Variants in CTBP2 observed in about 807,000 individuals in gnomAD.
The protein encoded by CTBP2 is C-terminal binding protein 2.
A neutral mutation model predicts 80.3 loss-of-function variants in CTBP2; 30 were observed. That is an observed-to-expected ratio of 0.37 (90% CI 0.28 to 0.51). CTBP2 has a LOEUF of 0.51. Among genes scored for constraint, CTBP2 ranks in the 20% least tolerant of loss-of-function variants. The pLI, the probability that CTBP2 is intolerant of heterozygous loss-of-function variation, is 0.93. For missense variants in CTBP2, 1,212 were observed against 1,375.3 expected, an observed-to-expected ratio of 0.88 and a Z score of 1.88; for synonymous variants, 594 against 587.4, an observed-to-expected ratio of 1.01 and a Z score of -0.16.
intron 2 of CTBP2, among the ~76,000 whole-genome samples, chr10:125,081,426 G>A (rs1007294821): frequency 6.6e-6 from 1 of 152,136 alleles, no homozygotes; most frequent in Non-Finnish European, 1.5e-5. Context: ...GAAAGAATGG[G>A]CACTGTGTTT....
intron 3 of CTBP2, among the ~76,000 whole-genome samples, chr10:125,035,759 G>T (rs535799615): frequency 5.3e-5 from 8 of 152,298 alleles, no homozygotes; most frequent in African/African-American, 1.9e-4. Flanking sequence ...CTGGCATAAT[G>T]CGATAAAGTA....
intron 2 of CTBP2, among the ~76,000 whole-genome samples, chr10:125,069,359 C>A (rs895607235): frequency 6.6e-6 from 1 of 152,176 alleles, no homozygotes; most frequent in Non-Finnish European, 1.5e-5. Flanking sequence ...GGCTCACACC[C>A]GTTATCCCAG....
At chr10:125,157,962 CG>C (rs1477337295) in intron 1 of CTBP2, among the ~76,000 whole-genome samples, 1 of 151,928 alleles carries the variant, frequency 6.6e-6, no homozygotes, top group Non-Finnish European at 1.5e-5. Context: ...GAATATTTAG[CG>C]TTTCAACTCT....
In CTBP2 at chr10:124,993,343, G is replaced by GA. The variant is rs748096676; in HGVS notation, c.2532-15dup. The GA allele has an allele frequency of 4.6e-5, 74 of 1,604,320 alleles. No homozygotes were observed. The highest frequency in any genetic ancestry group is 1.7e-4 in the Middle Eastern group (1 of 6,044). ...CCCTGAGCAAAGCTAGAAAAATGTA[G>GA]AAAAAACAGAGTAAGCGGGAAATGT... On this transcript the variant is annotated splice_polypyrimidine_tract_variant and intron_variant, in intron 6 of 8. Coordinates refer to ENST00000309035, the MANE Select transcript of CTBP2 (RefSeq NM_022802.3).
In CTBP2 at chr10:125,027,175, G is replaced by A. The variant is rs3781407; in HGVS notation, c.585C>T (p.Asp195=). ...CAGGCACCTCCGCCCCATACCTGGT[G>A]TCGGGCTGCTCCCGTCCATACCGCC... Residue 195 remains aspartate (D), a synonymous_variant, in exon 1 of 9, where the codon GAC becomes GAT. Coordinates refer to ENST00000309035, the MANE Select transcript of CTBP2 (RefSeq NM_022802.3). The A allele has an allele frequency of 0.026, 41,458 of 1,605,962 alleles. 844 individuals are homozygous for A. Among genetic ancestry groups the A allele is most frequent in the Admixed American group, 0.088 (5,267 of 59,820 alleles).
chr10:125,156,613 G>C (rs1860966361), intron 1 of CTBP2, among the ~76,000 whole-genome samples: 1 of 152,080 alleles, frequency 6.6e-6, no homozygotes, highest in African/African-American at 2.4e-5. Context: ...TATTTTAACA[G>C]CAATGGTAAC....
intron 3 of CTBP2, among the ~76,000 whole-genome samples, chr10:125,036,063 T>C (rs1159144178): frequency 6.6e-6 from 1 of 152,262 alleles, no homozygotes. Flanking sequence ...CCAGCTCATT[T>C]GGCTGGAGTC....
intron 3 of CTBP2, among the ~76,000 whole-genome samples, chr10:125,033,085 A>G (rs1198989930): frequency 6.6e-6 from 1 of 152,142 alleles, no homozygotes; most frequent in Non-Finnish European, 1.5e-5. Flanking sequence ...AATCTGCGTC[A>G]CCCATCCCAG....
chr10:125,120,672 C>T (rs1403083033), intron 1 of CTBP2, among the ~76,000 whole-genome samples: 1 of 152,158 alleles, frequency 6.6e-6, no homozygotes, highest in African/African-American at 2.4e-5. Flanking sequence ...CAGTTGTGAG[C>T]CACCAGCCAA....
chr10:125,091,319 C>A (rs999752974), intron 2 of CTBP2, among the ~76,000 whole-genome samples: 2 of 152,176 alleles, frequency 1.3e-5, no homozygotes, highest in Non-Finnish European at 2.9e-5. Context: ...TGCACTTGTA[C>A]GTCCTGGTAA....
intron 2 of CTBP2, among the ~76,000 whole-genome samples, chr10:125,094,038 T>G (rs555513408): frequency 6.6e-6 from 1 of 152,132 alleles, no homozygotes; most frequent in Non-Finnish European, 1.5e-5. Flanking sequence ...AGAAACGCAA[T>G]ATAATGTGGT....
chr10:125,137,329 T>G (rs1268488260), intron 1 of CTBP2, among the ~76,000 whole-genome samples: 1 of 152,190 alleles, frequency 6.6e-6, no homozygotes, highest in Non-Finnish European at 1.5e-5. Flanking sequence ...CTCAGCCTTA[T>G]TTCCCAAGGG....
At chr10:125,159,327 C>A (rs1241561987) in intron 1 of CTBP2, among the ~76,000 whole-genome samples, 2 of 132,802 alleles carry the variant, frequency 1.5e-5, no homozygotes, top group Non-Finnish European at 3.3e-5. Context: ...GGGAGGCGGG[C>A]GGGCCGGGCT....
rs1237965073 is a variant in CTBP2, at chr10:125,026,333, G to C, written c.1427C>G (p.Pro476Arg). The C allele has an allele frequency of 6.2e-7, 1 of 1,613,794 alleles. No individual in the cohort carries two copies. The highest frequency in any genetic ancestry group is 1.1e-5 in the South Asian group (1 of 91,092). The change falls in exon 1 of 9, where the codon CCC becomes CGC. Residue 476 changes from proline to arginine, a missense_variant. Physicochemically the swap from Pro to Arg is moderately radical, Grantham distance 103. Transcript: ENST00000309035. ...GTATGCCGTGGAGTAGGCTGTTCTG[G>C]GGCCTGGGTGAAGGGGGTTTGAGGG...
chr10:125,025,870 T>A (rs902795618), intron 1 of CTBP2, among the ~76,000 whole-genome samples: 5 of 152,246 alleles, frequency 3.3e-5, no homozygotes, highest in Non-Finnish European at 7.3e-5. Flanking sequence ...AGGGCACTGC[T>A]GCCCCAGCAG....
chr10:125,068,502 T>C (rs1844981382), intron 2 of CTBP2, among the ~76,000 whole-genome samples: 1 of 152,236 alleles, frequency 6.6e-6, no homozygotes, highest in Non-Finnish European at 1.5e-5. Context: ...CTGAGAATGT[T>C]TCCACTAACA....
At chr10:125,105,130 C>A (rs756782369) in intron 2 of CTBP2, among the ~76,000 whole-genome samples, 6 of 152,318 alleles carry the variant, frequency 3.9e-5, no homozygotes, top group African/African-American at 1.2e-4. Context: ...CATAGGCAGG[C>A]GCCGCCACCT....
intron 2 of CTBP2, among the ~76,000 whole-genome samples, chr10:125,083,739 A>T (rs1847537973): frequency 6.6e-6 from 1 of 152,110 alleles, no homozygotes; most frequent in Non-Finnish European, 1.5e-5. Flanking sequence ...CTTCTCAAGT[A>T]GCTGTGACTG....
Position 125,120,812 on chromosome 10 carries a change from C to T in CTBP2, c.-205-9719G>A, listed in dbSNP as rs879721649. ...CTGGGCTCAGCCTCCTGTACAGGCA[C>T]GGGCCCCCAAGCCCAGCTAATTGCC... On this transcript the variant is annotated intron_variant, in intron 1 of 10. Transcript: ENST00000337195. Among the ~76,000 whole-genome samples the T allele has an allele frequency of 7.2e-5, 11 of 152,208 alleles. 1 individual carries two copies. The highest frequency in any genetic ancestry group is 1.4e-4 in the African/African-American group (6 of 41,450).
Sources: allele counts gnomAD v4.1 joint callset (sites outside exome capture counted in the v4.1 genomes callset), GRCh38; gene constraint gnomAD v4.1.1; transcripts MANE v1.5; gene names NCBI Gene and HGNC (gene_info 2026-07-23, HGNC 2026-07-21).